The following STARD6 variants were observed in gnomAD, a reference collection of about 807,000 sequenced individuals.
STARD6 encodes the protein stAR-related lipid transfer protein 6.
A neutral mutation model predicts 22.3 loss-of-function variants in STARD6; 21 were observed. That is an observed-to-expected ratio of 0.94 (90% CI 0.67 to 1.35). The LOEUF (loss-of-function observed/expected upper bound fraction) is 1.35, where lower values mean the gene tolerates loss of function less well. Among genes scored for constraint, STARD6 ranks in the 40% most tolerant of loss-of-function variants. The pLI, the probability that STARD6 is intolerant of heterozygous loss-of-function variation, is 0.00. For synonymous variants in STARD6, 80 were observed against 88.1 expected, an observed-to-expected ratio of 0.91 and a Z score of 0.52; for missense variants, 269 against 266.9, an observed-to-expected ratio of 1.01 and a Z score of -0.05.
intron 4 of STARD6, among the ~76,000 whole-genome samples, chr18:54,345,787 G>T (rs901944181): frequency 2.0e-5 from 3 of 152,112 alleles, no homozygotes; most frequent in Non-Finnish European, 4.4e-5. Context: ...TAATGTATAT[G>T]GTCAATTGAT....
chr18:54,355,644 C>T (rs1465954414), intron 2 of STARD6: 2 of 152,190 alleles, frequency 1.3e-5, no homozygotes, highest in African/African-American at 4.8e-5. Context: ...ATCCAGAACT[C>T]TGAGAAATAA....
At chr18:54,337,057 C>G (rs904021524) in intron 5 of STARD6, 68 bp downstream of exon 5, 9 of 1,362,580 alleles carry the variant, frequency 6.6e-6, no homozygotes, top group Non-Finnish European at 9.0e-6. Context: ...TAGTTTTAAT[C>G]AACTCACTAA....
intron 1 of STARD6, 29 bp downstream of exon 1, chr18:54,357,763 C>T (rs1167247466): frequency 2.0e-5 from 3 of 152,952 alleles, no homozygotes. Context: ...CCCCCATTCC[C>T]AGCCCCAGAA....
At chr18:54,326,809 C>G (rs993717921) in intron 7 of STARD6, among the ~76,000 whole-genome samples, 1 of 151,616 alleles carries the variant, frequency 6.6e-6, no homozygotes, top group Non-Finnish European at 1.5e-5. Context: ...TGGAATTATA[C>G]TCTCTCCATT....
intron 1 of STARD6, among the ~76,000 whole-genome samples, chr18:54,357,496 T>G (rs1390364763): frequency 6.6e-6 from 1 of 151,992 alleles, no homozygotes; most frequent in Admixed American, 6.5e-5. Flanking sequence ...TGAGACGATA[T>G]CTTATTTTTG....
intron 4 of STARD6, among the ~76,000 whole-genome samples, chr18:54,346,165 T>C (rs920413907): frequency 3.3e-5 from 5 of 152,166 alleles, no homozygotes; most frequent in Non-Finnish European, 5.9e-5. Flanking sequence ...GCAAATCATA[T>C]ATGTGATACT....
At position 54,330,308 on chromosome 18, in the gene STARD6, G is replaced by T. The variant is rs544615177; in HGVS notation, c.386-868C>A. Among the ~76,000 whole-genome samples the T allele has an allele frequency of 3.7e-3, 559 of 152,064 alleles. 2 individuals carry two copies. The highest frequency in any genetic ancestry group is 0.013 in the African/African-American group (544 of 41,524). On this transcript the variant is annotated intron_variant, in intron 6 of 7. Transcript: ENST00000307844. ...CAGAGCCTATAATAGTACTGCCAGA[G>T]TGATCTTATTATAAAAGATTTTTTC...
Position 54,354,113 on chromosome 18 carries a change from G to A in STARD6, c.91-10C>T, listed in dbSNP as rs763186711. On this transcript the variant is annotated splice_polypyrimidine_tract_variant and intron_variant, in intron 3 of 7. Transcript: ENST00000307844. ...AAACAGTTATCTTTTTCTCAAAGGGGAATAAAAATCCACAAATAATTAGCT... is the reference window on the plus strand; with the variant it reads ...AAACAGTTATCTTTTTCTCAAAGGGAAATAAAAATCCACAAATAATTAGCT... 2.0e-6 allele frequency: 3 copies of A among 1,531,470 alleles called. No individual in the cohort carries two copies. The highest frequency in any genetic ancestry group is 2.6e-6 in the Non-Finnish European group (3 of 1,133,800). 94.9% of individuals were successfully genotyped at this position (1,531,470 alleles called of 1,614,324 possible). A position where few individuals can be genotyped will look rare whatever the true frequency, so the allele number is the denominator to read the frequency against.
chr18:54,354,157 G>A, intron 3 of STARD6, 54 bp from the exon 4 acceptor site: 2 of 1,165,524 alleles, frequency 1.7e-6, no homozygotes, highest in Non-Finnish European at 1.2e-6. Context: ...CAGGAAAAAT[G>A]AAAATGAAAA....
chr18:54,332,217 G>A (rs2088871462), intron 5 of STARD6, among the ~76,000 whole-genome samples: 1 of 152,202 alleles, frequency 6.6e-6, no homozygotes, highest in Non-Finnish European at 1.5e-5. Flanking sequence ...CATAGGCTAA[G>A]TAATATATTC....
intron 2 of STARD6, among the ~76,000 whole-genome samples, chr18:54,355,153 C>T (rs1599313824): frequency 6.6e-6 from 1 of 152,122 alleles, no homozygotes; most frequent in East Asian, 1.9e-4. Flanking sequence ...GTCCACTTAG[C>T]TCCAATCATT....
chr18:54,342,095 GAGA>G (rs1414264714), intron 4 of STARD6, among the ~76,000 whole-genome samples: 1 of 152,248 alleles, frequency 6.6e-6, no homozygotes, highest in African/African-American at 2.4e-5. Flanking sequence ...AGGGTTGTAA[GAGA>G]AGAATGATGT....
intron 4 of STARD6, among the ~76,000 whole-genome samples, chr18:54,344,583 T>TAAAAAAAAAAAAAAAAAAAAAATAAAAA (rs55736082): frequency 1.1e-5 from 1 of 94,060 alleles, no homozygotes; most frequent in Non-Finnish European, 2.1e-5. Flanking sequence ...AAAAATAAAT[T>TAAAAAAAAAAAAAAAAAAAAAATAAAAA]AAAAAAAAAA....
intron 4 of STARD6, among the ~76,000 whole-genome samples, chr18:54,344,917 A>G (rs896364718): frequency 1.3e-5 from 2 of 152,244 alleles, no homozygotes; most frequent in East Asian, 3.8e-4. Context: ...AAGGGCACCT[A>G]TGAAAAATCC....
At chr18:54,340,318 A>G (rs987230195) in intron 4 of STARD6, among the ~76,000 whole-genome samples, 2 of 152,180 alleles carry the variant, frequency 1.3e-5, no homozygotes, top group African/African-American at 4.8e-5. Flanking sequence ...ATCTTACTGG[A>G]ATTAAGTTTG....
chr18:54,337,976 G>A (rs553453572), intron 4 of STARD6, among the ~76,000 whole-genome samples: 3 of 152,110 alleles, frequency 2.0e-5, no homozygotes, highest in Admixed American at 1.3e-4. Context: ...GGCCCACTAC[G>A]AGCACACTCA....
chr18:54,343,351 C>A (rs1177498096), intron 4 of STARD6, among the ~76,000 whole-genome samples: 2 of 144,474 alleles, frequency 1.4e-5, no homozygotes, highest in Non-Finnish European at 3.1e-5. Flanking sequence ...CCGGCAGCCA[C>A]CCCGTCCGGG....
At chr18:54,327,519 T>C (rs2088833800) in intron 7 of STARD6, among the ~76,000 whole-genome samples, 2 of 152,278 alleles carry the variant, frequency 1.3e-5, no homozygotes, top group South Asian at 4.1e-4. Context: ...TATTTTGAAA[T>C]GAATAATTTA....
intron 4 of STARD6, among the ~76,000 whole-genome samples, chr18:54,351,338 T>G (rs988127320): frequency 1.3e-5 from 2 of 152,202 alleles, no homozygotes; most frequent in Non-Finnish European, 2.9e-5. Flanking sequence ...TCCTGAAACT[T>G]TATTCACTTA....
Sources: gnomAD v4.1 joint callset for allele counts (sites outside exome capture counted in the v4.1 genomes callset) on GRCh38, gnomAD v4.1.1 for gene constraint, MANE v1.5 for transcripts, NCBI Gene and HGNC (gene_info 2026-07-23, HGNC 2026-07-21) for gene names.